The following ARID1B variants were observed in gnomAD, a reference collection of about 807,000 sequenced individuals.
ARID1B encodes AT-rich interaction domain 1B.
ARID1B carries 30 observed loss-of-function variants against 212.3 expected under a neutral mutation model. The ratio of observed to expected loss-of-function variants is 0.14; its 90% CI spans 0.11 to 0.19. The LOEUF (loss-of-function observed/expected upper bound fraction) is 0.19. Ranked by LOEUF, ARID1B falls within the 10% of genes least tolerant of loss-of-function variation. ARID1B has a pLI of 1.00. For synonymous variants in ARID1B, 1,402 were observed against 1,301.7 expected (o/e 1.08, Z -1.66); for missense variants, 2,891 against 3,204.0 (o/e 0.90, Z 2.36).
At chr6:157,048,727 T>G (rs773459844) in intron 4 of ARID1B, among the ~76,000 whole-genome samples, 13 of 152,238 alleles carry the variant, frequency 8.5e-5, no homozygotes, top group Non-Finnish European at 1.8e-4. Flanking sequence ...CCTGATCTCA[T>G]GCTTCCCTGA....
At chr6:156,915,003 G>A (rs1790232546) in intron 3 of ARID1B, among the ~76,000 whole-genome samples, 1 of 152,132 alleles carries the variant, frequency 6.6e-6, no homozygotes, top group Admixed American at 6.5e-5. Context: ...GTCAATGCCT[G>A]CACAAAGTAG....
At chr6:157,059,826 A>G (rs1041525578) in intron 4 of ARID1B, among the ~76,000 whole-genome samples, 1 of 152,208 alleles carries the variant, frequency 6.6e-6, no homozygotes, top group African/African-American at 2.4e-5. Context: ...CAGAATTTAC[A>G]AAATGCTTTC....
rs1460817901 is a variant in ARID1B at position 157,207,249 on chromosome 6, C to T, written c.6477C>T (p.Asp2159=). The T allele has an allele frequency of 1.9e-6, 3 of 1,614,222 alleles. No homozygotes were observed. The highest frequency in any genetic ancestry group is 2.5e-6 in the Non-Finnish European group (3 of 1,180,042). The part of the protein sequence containing the change: ...VTLANISGQL[D]LSAYTESICL... The stretch of plus-strand genomic sequence containing the variant: ...TGGCCAACATTTCCGGGCAGCTAGA[C>T]TTGTCTGCTTACACGGAAAGCATCT... The change falls in exon 20 of 20, where the codon GAC becomes GAT. Residue 2159 remains aspartate, a synonymous_variant. Transcript: ENST00000636930. The surrounding 1 kb of genome is among the most constrained non-coding windows in gnomAD (Gnocchi z 8.5).
chr6:157,176,232 A>G (rs532826142), intron 11 of ARID1B, among the ~76,000 whole-genome samples: 1 of 152,284 alleles, frequency 6.6e-6, no homozygotes, highest in Admixed American at 6.5e-5. Flanking sequence ...TGAAAGAGAA[A>G]GCGCTTCTAG....
At chr6:156,788,957 G>T (rs1482675785) in intron 1 of ARID1B, among the ~76,000 whole-genome samples, 1 of 152,158 alleles carries the variant, frequency 6.6e-6, no homozygotes, top group Admixed American at 6.5e-5. Flanking sequence ...TAGACTCCTG[G>T]TGTTTTACAA....
chr6:157,201,069 G>T lies in ARID1B; in HGVS notation c.4844G>T (p.Gly1615Val). The T allele has an allele frequency of 6.2e-7, 1 of 1,614,056 alleles. No homozygotes were observed. The highest frequency in any genetic ancestry group is 8.5e-7 in the Non-Finnish European group (1 of 1,179,950). Residue 1615 changes from glycine (G) to valine (V), a missense_variant, in exon 18 of 20, where the codon GGC becomes GTC. This residue lies in a region of ARID1B where 666 missense variants were observed against 873.5 expected (regional missense o/e 0.76). Transcript: ENST00000636930. The surrounding 1 kb of genome is among the most constrained non-coding windows in gnomAD (Gnocchi z 5.2). ...GGPTQAPPYP[G>V]MNRTDDMMVP... is the part of the protein sequence containing the mutation. ...CCTACACAGGCGCCCCCTTACCCAG[G>T]CATGAACCGCACAGACGATATGATG...
chr6:157,019,006 T>C (rs1780070454), intron 4 of ARID1B, among the ~76,000 whole-genome samples: 1 of 151,994 alleles, frequency 6.6e-6, no homozygotes, highest in Admixed American at 6.6e-5. Flanking sequence ...AGCACAGAAA[T>C]CATGACAGGG....
At chr6:156,785,999 A>T (rs930102231) in intron 1 of ARID1B, among the ~76,000 whole-genome samples, 5 of 152,134 alleles carry the variant, frequency 3.3e-5, no homozygotes, top group African/African-American at 1.2e-4. Flanking sequence ...AGCTTTTTGG[A>T]ACCTTTCTAA....
At chr6:156,809,755 C>G (rs1221641927) in intron 1 of ARID1B, among the ~76,000 whole-genome samples, 1 of 146,820 alleles carries the variant, frequency 6.8e-6, no homozygotes, top group Non-Finnish European at 1.5e-5. Flanking sequence ...TCCCTTGGTT[C>G]GTTCAAAAAT....
chr6:156,779,734 C>CTT (rs1347172409), intron 1 of ARID1B: 1 of 158,934 alleles, frequency 6.3e-6, no homozygotes, highest in Non-Finnish European at 1.4e-5. Flanking sequence ...ACCCGCGTCC[C>CTT]CCCCCTCCCC....
intron 4 of ARID1B, among the ~76,000 whole-genome samples, chr6:157,070,680 T>C (rs1442433094): frequency 6.6e-6 from 1 of 152,192 alleles, no homozygotes; most frequent in Non-Finnish European, 1.5e-5. Flanking sequence ...CTCCTGGCCT[T>C]TATGTGTTTA....
At chr6:157,189,289 A>G (rs1394588429) in intron 13 of ARID1B, among the ~76,000 whole-genome samples, 1 of 152,250 alleles carries the variant, frequency 6.6e-6, no homozygotes, top group Non-Finnish European at 1.5e-5. Context: ...TCTAGACAAC[A>G]GTGAATGAAC....
At chr6:156,827,462 C>G (rs529214453) in intron 1 of ARID1B, among the ~76,000 whole-genome samples, 1 of 152,380 alleles carries the variant, frequency 6.6e-6, no homozygotes, top group African/African-American at 2.4e-5. Context: ...GCAACCTGAC[C>G]TGCTTCCAGC....
At chr6:157,197,515 C>T (rs900022367) in intron 16 of ARID1B, among the ~76,000 whole-genome samples, 7 of 152,238 alleles carry the variant, frequency 4.6e-5, no homozygotes. Context: ...GAGTCCATCC[C>T]ATGTTTAAGG....
intron 11 of ARID1B, 77 bp downstream of exon 11, chr6:157,175,082 T>G (rs1443045040): frequency 8.8e-7 from 1 of 1,140,700 alleles, no homozygotes; most frequent in Non-Finnish European, 1.1e-6. Context: ...TTAATTCTAC[T>G]TGAATGCTTG....
intron 6 of ARID1B, among the ~76,000 whole-genome samples, chr6:157,127,940 C>T (rs1006082700): frequency 4.1e-5 from 6 of 144,878 alleles, no homozygotes; most frequent in African/African-American, 1.3e-4. Flanking sequence ...CCAGCCTAGG[C>T]GACAGAGCAA....
intron 4 of ARID1B, among the ~76,000 whole-genome samples, chr6:156,980,422 G>A (rs766249019): frequency 1.1e-4 from 17 of 152,158 alleles, no homozygotes; most frequent in Non-Finnish European, 2.2e-4. Flanking sequence ...GGTGGAGGTA[G>A]CAGTGAGCCG....
Position 157,148,691 on chromosome 6 carries a change from T to C in ARID1B, c.2829T>C (p.Gly943=), listed in dbSNP as rs752913095. ...PSASYSGPGP[G]MGISANNQMH... is the part of the protein sequence containing the mutation. The stretch of plus-strand genomic sequence containing the variant: ...CAAGCTACAGCGGCCCAGGGCCCGG[T>C]ATGGGTATCAGTGCCAACAACCAGA... Residue 943 remains glycine, a synonymous_variant, in exon 8 of 20, where the codon GGT becomes GGC. Coordinates refer to ENST00000636930, the MANE Select transcript of ARID1B (RefSeq NM_001374828.1). This position sits in a 1 kb window ranked among gnomAD's most constrained non-coding sequence, Gnocchi z 5.6. The C allele has an allele frequency of 2.5e-6, 4 of 1,612,616 alleles. No homozygotes were observed. The highest frequency in any genetic ancestry group is 3.4e-6 in the Non-Finnish European group (4 of 1,179,656).
At chr6:157,109,307 C>A (rs189088896) in intron 5 of ARID1B, among the ~76,000 whole-genome samples, 1 of 152,232 alleles carries the variant, frequency 6.6e-6, no homozygotes, top group African/African-American at 2.4e-5. Flanking sequence ...ATTTGTAATT[C>A]TTTTGAGCAA....
Sources: allele counts gnomAD v4.1 joint callset (sites outside exome capture counted in the v4.1 genomes callset), GRCh38; gene constraint gnomAD v4.1.1; regional missense constraint gnomAD v4.1.1; non-coding constraint Gnocchi (gnomAD v3.1); transcripts MANE v1.5; gene names NCBI Gene and HGNC (gene_info 2026-07-23, HGNC 2026-07-21).